CPSF3: variants seen among roughly 807,000 people sequenced by gnomAD.
The protein encoded by CPSF3 is cleavage and polyadenylation specific factor 3, also known as cleavage and polyadenylation specificity factor subunit 3.
A neutral mutation model predicts 84.1 loss-of-function variants in CPSF3; 57 were observed. The observed-to-expected ratio is 0.68, with a 90% CI of 0.55 to 0.85. CPSF3 has a LOEUF of 0.85. Ranked by LOEUF, CPSF3 falls within the 40% of genes least tolerant of loss-of-function variation. The pLI, the probability that CPSF3 is intolerant of heterozygous loss-of-function variation, is 0.00. For missense variants in CPSF3, 522 were observed against 838.8 expected (o/e 0.62, Z 4.66); for synonymous variants, 275 against 278.1 (o/e 0.99, Z 0.11).
At chr2:9,466,358 A>T (rs13015365) in intron 15 of CPSF3, among the ~76,000 whole-genome samples, 5 of 142,386 alleles carry the variant, frequency 3.5e-5, no homozygotes, top group African/African-American at 1.4e-4. Flanking sequence ...GCGCGCACAC[A>T]CACACGCACA....
intron 16 of CPSF3, among the ~76,000 whole-genome samples, chr2:9,470,325 G>A (rs1195661742): frequency 6.6e-6 from 1 of 152,218 alleles, no homozygotes; most frequent in Admixed American, 6.5e-5. Context: ...GATGCAAGGA[G>A]TTGATTCCCA....
Position 9,466,312 on chromosome 2 carries a change from TGACGCACGCACACA to T in CPSF3, c.1787-1380_1787-1367del, listed in dbSNP as rs1240806249. 1.4e-3 allele frequency among the ~76,000 whole-genome samples: 75 copies of T among 52,178 alleles called. No homozygotes were observed. In the South Asian group the frequency reaches 0.015, roughly 11 times the overall value. 34.2% of individuals were successfully genotyped at this position (52,178 alleles called of 152,430 possible). On this transcript the variant is annotated intron_variant, in intron 15 of 17. Transcript: ENST00000238112. ...CACACAGACGCATGCACACGCACAC[TGACGCACGCACACA>T]GACGCACGCACACACGCGCGCGCGC...
intron 1 of CPSF3, among the ~76,000 whole-genome samples, chr2:9,425,492 C>T (rs114448291): frequency 0.018 from 2,721 of 152,126 alleles, 83 homozygotes; most frequent in African/African-American, 0.063. Flanking sequence ...GTCTAGCTGA[C>T]GAGAGCCTGT....
intron 7 of CPSF3, among the ~76,000 whole-genome samples, chr2:9,437,962 A>T (rs1326713668): frequency 6.6e-6 from 1 of 152,250 alleles, no homozygotes; most frequent in Non-Finnish European, 1.5e-5. Context: ...AGATTGTGCC[A>T]CTGCACTCCA....
chr2:9,457,135 G>A (rs1302411730), intron 14 of CPSF3, 108 bp downstream of exon 14: 1 of 540,476 alleles, frequency 1.9e-6, no homozygotes, highest in South Asian at 2.2e-5. Context: ...AAAGAATATT[G>A]TTGGAAAGTA....
At chr2:9,437,819 G>A (rs1365984101) in intron 7 of CPSF3, among the ~76,000 whole-genome samples, 2 of 152,172 alleles carry the variant, frequency 1.3e-5, no homozygotes, top group African/African-American at 4.8e-5. Flanking sequence ...TGGGCAACAA[G>A]GCAAGACCCT....
intron 1 of CPSF3, among the ~76,000 whole-genome samples, chr2:9,427,846 G>A (rs1454199077): frequency 1.3e-5 from 2 of 152,178 alleles, no homozygotes; most frequent in Non-Finnish European, 2.9e-5. Context: ...AACTTAAAGT[G>A]TGCCTTGTGA....
chr2:9,449,382 C>T (rs1681238992), intron 11 of CPSF3, among the ~76,000 whole-genome samples: 1 of 152,008 alleles, frequency 6.6e-6, no homozygotes, highest in Non-Finnish European at 1.5e-5. Flanking sequence ...GCTGCGATCG[C>T]GCCAATGCAC....
chr2:9,433,230 C>T (rs1318373064), intron 5 of CPSF3, among the ~76,000 whole-genome samples: 3 of 152,220 alleles, frequency 2.0e-5, no homozygotes, highest in East Asian at 3.9e-4. Flanking sequence ...ATAAGACTCA[C>T]TTAGGGAGCT....
chr2:9,440,463 ATGTT>A, intron 7 of CPSF3, 24 bp from the exon 8 acceptor site: 1 of 1,590,742 alleles, frequency 6.3e-7, no homozygotes. Context: ...TAACAAAGTG[ATGTT>A]TGTTTCTTGC....
intron 1 of CPSF3, among the ~76,000 whole-genome samples, chr2:9,428,334 T>C (rs541310399): frequency 1.1e-4 from 17 of 152,300 alleles, no homozygotes; most frequent in South Asian, 1.0e-3. Flanking sequence ...CACATTATGA[T>C]CTTAAAGAAG....
chr2:9,426,938 G>A (rs1680415835), intron 1 of CPSF3, among the ~76,000 whole-genome samples: 1 of 151,888 alleles, frequency 6.6e-6, no homozygotes, highest in Non-Finnish European at 1.5e-5. Flanking sequence ...AAAGTGATTG[G>A]TAAAAGCCAG....
At chr2:9,431,708 G>A (rs776370151) in intron 4 of CPSF3, among the ~76,000 whole-genome samples, 4 of 151,418 alleles carry the variant, frequency 2.6e-5, no homozygotes, top group African/African-American at 9.7e-5. Context: ...ATACCACCAC[G>A]CCTGGCTAAT....
rs772108851 is a variant in CPSF3 at position 9,457,008 on chromosome 2, C to T, written c.1679C>T (p.Pro560Leu). Residue 560 changes from proline to leucine, a missense_variant, in exon 14 of 18, where the codon CCA becomes CTA. By Grantham distance (98) the Pro-to-Leu change is moderately conservative. Around this residue, in one of 2 missense-constraint regions of CPSF3, gnomAD observed 193 missense variants for 231.6 expected, o/e 0.83. Transcript: ENST00000238112. ...VFKNITVIQE[P>L]GMVVLEWLAN... is the part of the protein sequence containing the mutation. ...AAAAATATTACTGTAATACAAGAAC[C>T]AGGCATGGTGGTATTAGAAGTAAGA... The T allele has an allele frequency of 1.9e-6, 3 of 1,594,680 alleles. No individual in the cohort carries two copies. Among genetic ancestry groups the T allele is most frequent in the East Asian group, 4.5e-5 (2 of 44,528 alleles).
intron 10 of CPSF3, among the ~76,000 whole-genome samples, chr2:9,447,572 G>A (rs1277564595): frequency 2.0e-5 from 3 of 151,810 alleles, no homozygotes; most frequent in Non-Finnish European, 4.4e-5. Context: ...TCAAGAGTTC[G>A]AGACCAGCCT....
intron 16 of CPSF3, among the ~76,000 whole-genome samples, chr2:9,468,619 C>CTTTT (rs5829213): frequency 2.8e-4 from 30 of 108,326 alleles, no homozygotes; most frequent in East Asian, 1.1e-3. Flanking sequence ...CTACACTGAC[C>CTTTT]TTTTTTTTTT....
intron 17 of CPSF3, among the ~76,000 whole-genome samples, 199 bp downstream of exon 17, chr2:9,471,638 C>T (rs1682168804): frequency 6.6e-6 from 1 of 151,928 alleles, no homozygotes; most frequent in South Asian, 2.1e-4. Flanking sequence ...CTGCATAGTA[C>T]AAGGTTCGCG....
At chr2:9,457,390 A>T (rs1681570715) in intron 14 of CPSF3, among the ~76,000 whole-genome samples, 1 of 152,116 alleles carries the variant, frequency 6.6e-6, no homozygotes. Context: ...TAAGGTAAAA[A>T]TTTAATTCTG....
At chr2:9,458,169 C>T (rs1250929674) in intron 14 of CPSF3, among the ~76,000 whole-genome samples, 1 of 152,070 alleles carries the variant, frequency 6.6e-6, no homozygotes. Context: ...TTTGGGAGGC[C>T]AAGGCAGGTG....
Sources: allele counts gnomAD v4.1 joint callset (sites outside exome capture counted in the v4.1 genomes callset), GRCh38; gene constraint gnomAD v4.1.1; regional missense constraint gnomAD v4.1.1; transcripts MANE v1.5; gene names NCBI Gene and HGNC (gene_info 2026-07-23, HGNC 2026-07-21).